MIPOL1: variants seen among roughly 807,000 people sequenced by gnomAD.
MIPOL1 encodes the protein mirror-image polydactyly gene 1 protein.
Under a neutral mutation model 60.9 loss-of-function variants are expected in MIPOL1, and 57 were observed. That is an observed-to-expected ratio of 0.94 (90% CI 0.76 to 1.17). The LOEUF (loss-of-function observed/expected upper bound fraction) is 1.17. Among genes scored for constraint, MIPOL1 ranks in the 50% most tolerant of loss-of-function variants. The pLI is 0.00. For synonymous variants in MIPOL1, 179 were observed against 168.8 expected (o/e 1.06, Z -0.47); for missense variants, 551 against 511.6 (o/e 1.08, Z -0.74).
At chr14:37,523,204 A>G (rs1460866387) in intron 12 of MIPOL1, among the ~76,000 whole-genome samples, 1 of 152,088 alleles carries the variant, frequency 6.6e-6, no homozygotes, top group African/African-American at 2.4e-5. Flanking sequence ...TAGCTAGCCC[A>G]TCTGTCTGCC....
intron 11 of MIPOL1, among the ~76,000 whole-genome samples, chr14:37,469,617 C>G (rs2094651066): frequency 6.6e-6 from 1 of 152,014 alleles, no homozygotes; most frequent in African/African-American, 2.4e-5. Context: ...AATGTGTCCC[C>G]CAGAAGTTTA....
At chr14:37,463,000 A>G (rs998373991) in intron 11 of MIPOL1, among the ~76,000 whole-genome samples, 2 of 152,176 alleles carry the variant, frequency 1.3e-5, no homozygotes, top group Non-Finnish European at 2.9e-5. Flanking sequence ...GCAATGCCCC[A>G]TTCTACTGGT....
At position 37,422,769 on chromosome 14, in the gene MIPOL1, A is replaced by AT. The variant is rs1193030546; in HGVS notation, c.937-83dup. 8.6e-6 allele frequency: 7 copies of AT among 813,740 alleles called. No individual in the cohort carries two copies. In the Admixed American group the frequency reaches 1.6e-4, roughly 19 times the overall value. 50.4% of individuals were successfully genotyped at this position (813,740 alleles called of 1,614,324 possible). A position where few individuals can be genotyped will look rare whatever the true frequency, so the allele number is the denominator to read the frequency against. ...AGGTTTTTTTTTTTAACTGTCAGTA[A>AT]TTTAAGACTACTGTTCTTACCGTGG... On this transcript the variant is annotated intron_variant, in intron 10 of 12. Coordinates refer to ENST00000684589, the MANE Select transcript of MIPOL1 (RefSeq NM_001388067.1).
chr14:37,269,268 A>G (rs1286836439), intron 5 of MIPOL1, among the ~76,000 whole-genome samples: 3 of 152,056 alleles, frequency 2.0e-5, no homozygotes, highest in Admixed American at 1.3e-4. Flanking sequence ...ATACTGCTGC[A>G]TTTTGTCCAG....
chr14:37,500,240 GT>G, intron 12 of MIPOL1, 102 bp downstream of exon 12: 1 of 825,158 alleles, frequency 1.2e-6, no homozygotes, highest in Non-Finnish European at 1.9e-6. Context: ...CATGTTAATA[GT>G]TTAGAACAAA....
intron 9 of MIPOL1, among the ~76,000 whole-genome samples, chr14:37,357,059 C>T (rs2091897148): frequency 6.6e-6 from 1 of 152,192 alleles, no homozygotes; most frequent in Non-Finnish European, 1.5e-5. Context: ...AACAGTGCTG[C>T]AACAAACATG....
At chr14:37,261,296 A>AG (rs2082504437) in intron 3 of MIPOL1, among the ~76,000 whole-genome samples, 4 of 152,048 alleles carry the variant, frequency 2.6e-5, no homozygotes, top group Non-Finnish European at 5.9e-5. Flanking sequence ...AAGAAAAAAA[A>AG]AAGAGAAAGT....
chr14:37,200,873 TGTGTGTGTGTGTGTGTGTGTGTG>T (rs1299478186), intron 1 of MIPOL1, among the ~76,000 whole-genome samples: 3 of 107,122 alleles, frequency 2.8e-5, no homozygotes, highest in Middle Eastern at 4.2e-3. Flanking sequence ...TGTGTGTGTG[TGTGTGTGTGTGTGTGTGTGTGTG>T]TGTATTTTTT....
At chr14:37,353,985 T>A (rs1448195266) in intron 9 of MIPOL1, among the ~76,000 whole-genome samples, 2 of 152,114 alleles carry the variant, frequency 1.3e-5, no homozygotes, top group African/African-American at 4.8e-5. Context: ...TCTGGTTTTT[T>A]TAATTGTGAT....
At chr14:37,262,218 A>C (rs1346806840) in intron 3 of MIPOL1, among the ~76,000 whole-genome samples, 1 of 152,092 alleles carries the variant, frequency 6.6e-6, no homozygotes, top group Non-Finnish European at 1.5e-5. Context: ...AAGAAAGTAT[A>C]TACTATATTT....
At chr14:37,302,262 G>GTTTTTTTTTTTTTTTTT (rs57468146) in intron 7 of MIPOL1, among the ~76,000 whole-genome samples, 12 of 95,032 alleles carry the variant, frequency 1.3e-4, no homozygotes, top group Non-Finnish European at 1.9e-4. Context: ...TGGAACTGTT[G>GTTTTTTTTTTTTTTTTT]TTTTTTTTTT....
chr14:37,356,682 C>T (rs370204233), intron 9 of MIPOL1, among the ~76,000 whole-genome samples: 10 of 152,274 alleles, frequency 6.6e-5, no homozygotes, highest in South Asian at 4.1e-4. Flanking sequence ...AGGTGCCGTC[C>T]GTCACCCCTT....
intron 3 of MIPOL1, among the ~76,000 whole-genome samples, chr14:37,249,547 A>C (rs1973749762): frequency 6.6e-6 from 1 of 152,144 alleles, no homozygotes; most frequent in African/African-American, 2.4e-5. Flanking sequence ...GCTTATTATG[A>C]GTTTAGAATC....
At chr14:37,504,912 A>G (rs2095260717) in intron 12 of MIPOL1, 2 of 152,206 alleles carry the variant, frequency 1.3e-5, no homozygotes, top group Admixed American at 1.3e-4. Flanking sequence ...AAAAAATGAC[A>G]AAGGGGATAT....
rs150839170 is a variant in MIPOL1 at position 37,491,374 on chromosome 14, C to T, written c.1032-8534C>T. Among the ~76,000 whole-genome samples the T allele has an allele frequency of 8.2e-3, 1,249 of 152,144 alleles. 17 individuals carry two copies. The highest frequency in any genetic ancestry group is 0.029 in the African/African-American group (1,183 of 41,508). ...CGAAACTCCGCCTTTACCAAAAATA[C>T]AAAAATTAGCTGGGTGTGGTGGCAT... On this transcript the variant is annotated intron_variant, in intron 11 of 12. Coordinates refer to ENST00000684589, the MANE Select transcript of MIPOL1 (RefSeq NM_001388067.1).
At chr14:37,536,297 A>T (rs1192317597) in intron 12 of MIPOL1, among the ~76,000 whole-genome samples, 1 of 152,166 alleles carries the variant, frequency 6.6e-6, no homozygotes. Context: ...AGGGACGTGT[A>T]AGGGGCAATC....
chr14:37,344,459 A>G (rs193068432), intron 9 of MIPOL1, among the ~76,000 whole-genome samples: 20 of 151,496 alleles, frequency 1.3e-4, no homozygotes, highest in Non-Finnish European at 2.8e-4. Flanking sequence ...CCAAATATGG[A>G]TACTTGACCT....
intron 9 of MIPOL1, among the ~76,000 whole-genome samples, chr14:37,317,056 GT>G (rs2087988722): frequency 6.6e-6 from 1 of 152,038 alleles, no homozygotes; most frequent in Admixed American, 6.6e-5. Context: ...TAGGAAATAG[GT>G]TCTAGAACAT....
intron 11 of MIPOL1, among the ~76,000 whole-genome samples, chr14:37,445,621 C>A (rs886894676): frequency 3.3e-5 from 5 of 151,606 alleles, no homozygotes; most frequent in African/African-American, 4.8e-5. Flanking sequence ...CCAAGTCAAT[C>A]CTAAGCCAAA....
Sources: gnomAD v4.1 joint callset for allele counts (sites outside exome capture counted in the v4.1 genomes callset) on GRCh38, gnomAD v4.1.1 for gene constraint, MANE v1.5 for transcripts, NCBI Gene and HGNC (gene_info 2026-07-23, HGNC 2026-07-21) for gene names.